NEO1: variants seen among roughly 807,000 people sequenced by gnomAD.
NEO1 encodes neogenin 1, also known as neogenin.
In NEO1, 63 loss-of-function variants were observed where a neutral mutation model predicts 159.7. The ratio of observed to expected loss-of-function variants is 0.39; its 90% CI spans 0.32 to 0.49. NEO1 has a LOEUF of 0.49. NEO1 is among the 20% of genes least tolerant of loss of function. The probability of loss-of-function intolerance (pLI) is 0.85; values close to 1 mark genes in which losing one functional copy is unlikely to be tolerated. For synonymous variants in NEO1, 633 were observed against 662.0 expected (o/e 0.96, Z 0.67); for missense variants, 1,615 against 1,831.0 (o/e 0.88, Z 2.15).
chr15:73,102,273 G>A (rs1595986416), intron 1 of NEO1, among the ~76,000 whole-genome samples: 1 of 152,104 alleles, frequency 6.6e-6, no homozygotes, highest in East Asian at 1.9e-4. Context: ...GGCTGAGGCA[G>A]AAGAATCGCT....
chr15:73,083,641 T>A (rs1027127512), intron 1 of NEO1, among the ~76,000 whole-genome samples: 1 of 152,174 alleles, frequency 6.6e-6, no homozygotes, highest in Non-Finnish European at 1.5e-5. Context: ...TTTTTGAATA[T>A]GCATTAAATA....
At chr15:73,178,252 G>T in intron 6 of NEO1, 55 bp from the exon 7 acceptor site, 1 of 1,508,390 alleles carries the variant, frequency 6.6e-7, no homozygotes, top group South Asian at 1.2e-5. Flanking sequence ...TTGAGATTTT[G>T]ATCTGGTATT....
Position 73,302,763 on chromosome 15 carries a change from G to A in NEO1, c.*67G>A. ...TCTTGGAACTTACCCTTGAAAACAA[G>A]GAATTGTACAGAGTACGAGAGGACA... On this transcript the variant is annotated 3_prime_UTR_variant, in exon 29 of 29. Transcript: ENST00000261908. 7.0e-7 allele frequency: 1 copy of A among 1,418,936 alleles called. No individual in the cohort carries two copies. 87.9% of individuals were successfully genotyped at this position (1,418,936 alleles called of 1,614,324 possible). A position where few individuals can be genotyped will look rare whatever the true frequency, so the allele number is the denominator to read the frequency against.
chr15:73,135,424 C>A (rs924252516), intron 4 of NEO1, among the ~76,000 whole-genome samples: 1 of 152,142 alleles, frequency 6.6e-6, no homozygotes, highest in Non-Finnish European at 1.5e-5. Flanking sequence ...GCACTGTGAC[C>A]CCATGACTTA....
intron 1 of NEO1, among the ~76,000 whole-genome samples, chr15:73,074,361 T>C (rs1048607158): frequency 1.3e-5 from 2 of 152,226 alleles, no homozygotes; most frequent in African/African-American, 4.8e-5. Context: ...CACCTTGTTT[T>C]TCACTCCTTT....
chr15:73,265,661 T>G lies in NEO1; in HGVS notation c.2399-655T>G, dbSNP rs190212846. Among the ~76,000 whole-genome samples the G allele has an allele frequency of 3.9e-5, 6 of 152,324 alleles. No homozygotes were observed. In the East Asian group the frequency reaches 1.2e-3, roughly 29 times the overall value. On this transcript the variant is annotated intron_variant, in intron 15 of 28. Coordinates refer to ENST00000261908, the MANE Select transcript of NEO1 (RefSeq NM_002499.4). Reference sequence around the variant, plus strand: ...TCCTTGCCAGTCACGAAGTAAGTCTTACTGATTCCATTTGTTGTTAGTTCT... The same window carrying G: ...TCCTTGCCAGTCACGAAGTAAGTCTGACTGATTCCATTTGTTGTTAGTTCT...
At chr15:73,138,997 GA>G (rs2032108432) in intron 5 of NEO1, among the ~76,000 whole-genome samples, 2 of 152,082 alleles carry the variant, frequency 1.3e-5, no homozygotes, top group Admixed American at 6.6e-5. Flanking sequence ...AGGAAAAAAA[GA>G]AAAAGCAGTG....
At chr15:73,128,817 A>G (rs2030693162) in intron 4 of NEO1, among the ~76,000 whole-genome samples, 1 of 152,196 alleles carries the variant, frequency 6.6e-6, no homozygotes, top group African/African-American at 2.4e-5. Flanking sequence ...GAAAAGTTTC[A>G]TATCTTCCTG....
intron 5 of NEO1, among the ~76,000 whole-genome samples, chr15:73,140,311 T>A (rs2032257689): frequency 6.6e-6 from 1 of 152,158 alleles, no homozygotes; most frequent in Non-Finnish European, 1.5e-5. Flanking sequence ...ATCCCAGCAC[T>A]TTGAGAGGCT....
At chr15:73,266,283 G>A (rs1406174119) in intron 15 of NEO1, 33 bp from the exon 16 acceptor site, 13 of 1,544,088 alleles carry the variant, frequency 8.4e-6, no homozygotes, top group Admixed American at 1.8e-5. Flanking sequence ...TCTGTAGTGA[G>A]CATTTTTTTA....
At chr15:73,281,603 A>G (rs1402673221) in intron 22 of NEO1, among the ~76,000 whole-genome samples, 1 of 152,164 alleles carries the variant, frequency 6.6e-6, no homozygotes, top group Non-Finnish European at 1.5e-5. Flanking sequence ...CTTTGATGGT[A>G]GGAACTTCTT....
In NEO1 at chr15:73,235,461, A is replaced by G. The variant is rs554460103; in HGVS notation, c.1292-886A>G. On this transcript the variant is annotated intron_variant, in intron 7 of 28. Coordinates refer to ENST00000261908, the MANE Select transcript of NEO1 (RefSeq NM_002499.4). Reference sequence around the variant, plus strand: ...TGCCTTGGAAGTTATGAAGTTACCCATGGCTACCGCTATACAAAAGTGGCT... The same window carrying G: ...TGCCTTGGAAGTTATGAAGTTACCCGTGGCTACCGCTATACAAAAGTGGCT... 7.7e-4 allele frequency among the ~76,000 whole-genome samples: 118 copies of G among 152,332 alleles called. 1 individual carries two copies. Among genetic ancestry groups the G allele is most frequent in the African/African-American group, 2.8e-3 (115 of 41,572 alleles).
chr15:73,052,618 A>C lies in NEO1; in HGVS notation c.-58A>C, dbSNP rs1367053506. 1.1e-5 allele frequency: 12 copies of C among 1,083,658 alleles called. No homozygotes were observed. The highest frequency in any genetic ancestry group is 5.8e-6 in the Non-Finnish European group (5 of 868,820). The allele number at this position is 1,083,658 out of a possible 1,614,324, so 67.1% of individuals were successfully genotyped here. A position where few individuals can be genotyped will look rare whatever the true frequency, so the allele number is the denominator to read the frequency against. ...GACCGGCTGAGGCGCGCGGGAGGGA[A>C]GGAGGCAAGGGCTCCGCGGCGCTGT... On this transcript the variant is annotated 5_prime_UTR_variant, in exon 1 of 29. Coordinates refer to ENST00000261908, the MANE Select transcript of NEO1 (RefSeq NM_002499.4).
chr15:73,244,982 A>AAAC (rs1567586974), intron 9 of NEO1, among the ~76,000 whole-genome samples: 1 of 148,432 alleles, frequency 6.7e-6, no homozygotes, highest in African/African-American at 2.5e-5. Flanking sequence ...AAAAAAAAAA[A>AAAC]ACAACAGCAA....
At chr15:73,134,143 C>A (rs190292000) in intron 4 of NEO1, among the ~76,000 whole-genome samples, 1 of 152,100 alleles carries the variant, frequency 6.6e-6, no homozygotes, top group Admixed American at 6.5e-5. Context: ...GTAAATTTTT[C>A]TTATTTTGTG....
intron 1 of NEO1, among the ~76,000 whole-genome samples, chr15:73,055,260 C>T (rs1054293583): frequency 6.6e-6 from 1 of 152,114 alleles, no homozygotes; most frequent in Non-Finnish European, 1.5e-5. Context: ...CATTCTTCAC[C>T]GAGGACTCTG....
rs559391894 is a variant in NEO1, at chr15:73,302,335, A to G, written c.4303-278A>G. ...ACTGTGCTGACTGGGGCAGAGACCT[A>G]GAAGGGGCAAGCAGTGGGCCTTCTG... On this transcript the variant is annotated intron_variant, in intron 28 of 28. Transcript: ENST00000261908. Among the ~76,000 whole-genome samples the G allele has an allele frequency of 5.4e-4, 83 of 152,334 alleles. 1 individual carries two copies. The highest frequency in any genetic ancestry group is 1.9e-3 in the African/African-American group (81 of 41,582).
At chr15:73,061,068 G>A (rs2067954229) in intron 1 of NEO1, among the ~76,000 whole-genome samples, 1 of 152,114 alleles carries the variant, frequency 6.6e-6, no homozygotes, top group Non-Finnish European at 1.5e-5. Flanking sequence ...GCATTTCTCC[G>A]AGTCCCAAAG....
chr15:73,109,582 G>C (rs1478894020), intron 1 of NEO1, among the ~76,000 whole-genome samples: 3 of 151,850 alleles, frequency 2.0e-5, no homozygotes, highest in Non-Finnish European at 4.4e-5. Flanking sequence ...TTTTTATTTG[G>C]GGGAGTGGTT....
Sources: gnomAD v4.1 joint callset for allele counts (sites outside exome capture counted in the v4.1 genomes callset) on GRCh38, gnomAD v4.1.1 for gene constraint, MANE v1.5 for transcripts, NCBI Gene and HGNC (gene_info 2026-07-23, HGNC 2026-07-21) for gene names.